SLC31A1: variants seen among roughly 807,000 people sequenced by gnomAD.
The protein encoded by SLC31A1 is high affinity copper uptake protein 1.
Under a neutral mutation model 17.2 loss-of-function variants are expected in SLC31A1, and 5 were observed. The ratio of observed to expected loss-of-function variants is 0.29; its 90% CI spans 0.15 to 0.61. The LOEUF (loss-of-function observed/expected upper bound fraction) is 0.61. Among genes scored for constraint, SLC31A1 ranks in the 20% least tolerant of loss-of-function variants. The pLI is 0.86. For missense variants in SLC31A1, 161 were observed against 241.4 expected (o/e 0.67, Z 2.21); for synonymous variants, 76 against 78.8 (o/e 0.96, Z 0.19).
In SLC31A1 at chr9:113,261,103, A is replaced by C. The variant is rs1421047532; in HGVS notation, c.*630A>C. Reference sequence around the variant, plus strand: ...ATGGGGAAACCCCGTCTCTACTAAAAATACAAAAATTAGCCGGGCATGGTG... The same window carrying C: ...ATGGGGAAACCCCGTCTCTACTAAACATACAAAAATTAGCCGGGCATGGTG... On this transcript the variant is annotated 3_prime_UTR_variant, in exon 5 of 5. Coordinates refer to ENST00000374212, the MANE Select transcript of SLC31A1 (RefSeq NM_001859.4). The C allele has an allele frequency of 2.5e-5, 4 of 157,520 alleles. No homozygotes were observed. The highest frequency in any genetic ancestry group is 9.6e-5 in the African/African-American group (4 of 41,484). 9.8% of individuals were successfully genotyped at this position (157,520 alleles called of 1,614,324 possible). A position where few individuals can be genotyped will look rare whatever the true frequency, so the allele number is the denominator to read the frequency against.
chr9:113,258,315 T>C lies in SLC31A1; in HGVS notation c.203-379T>C, dbSNP rs1026514419. Among the ~76,000 whole-genome samples the C allele has an allele frequency of 1.8e-4, 27 of 152,224 alleles. No individual in the cohort carries two copies. Among genetic ancestry groups the C allele is most frequent in the African/African-American group, 6.5e-4 (27 of 41,456 alleles). On this transcript the variant is annotated intron_variant, in intron 3 of 4. Transcript: ENST00000374212. The surrounding 1 kb of genome is among the most constrained non-coding windows in gnomAD (Gnocchi z 4.8). Reference sequence around the variant, plus strand: ...ACTTCACAGTGTGAAAGACTTAGAATTGAAATGCCTATTCAGGAAATGTAG... The same window carrying C: ...ACTTCACAGTGTGAAAGACTTAGAACTGAAATGCCTATTCAGGAAATGTAG...
chr9:113,232,398 C>A (rs1465920767), intron 1 of SLC31A1, among the ~76,000 whole-genome samples: 1 of 151,904 alleles, frequency 6.6e-6, no homozygotes, highest in Non-Finnish European at 1.5e-5. Context: ...TAAAACATTT[C>A]AAAGAAAATG....
At chr9:113,234,480 ATTTTTTTTTTTTTTT>A (rs869088669) in intron 1 of SLC31A1, among the ~76,000 whole-genome samples, 5 of 60,230 alleles carry the variant, frequency 8.3e-5, no homozygotes, top group Admixed American at 4.2e-4. Context: ...CCTGGCCATC[ATTTTTTTTTTTTTTT>A]TTTTTTTTTT....
Position 113,255,936 on chromosome 9 carries a change from C to G in SLC31A1, c.-35-178C>G, listed in dbSNP as rs73552275. ...CCACCAGGTTGCCTGGTGAACCAGCCTAGATCAGAAATGGAGCAGGTCAAA... is the reference window on the plus strand; with the variant it reads ...CCACCAGGTTGCCTGGTGAACCAGCGTAGATCAGAAATGGAGCAGGTCAAA... On this transcript the variant is annotated intron_variant, in intron 1 of 4. Coordinates refer to ENST00000374212, the MANE Select transcript of SLC31A1 (RefSeq NM_001859.4). 4.0e-3 allele frequency: 1,449 copies of G among 364,074 alleles called. 19 individuals are homozygous for G. Among genetic ancestry groups the G allele is most frequent in the African/African-American group, 0.029 (1,368 of 47,894 alleles). 22.6% of individuals were successfully genotyped at this position (364,074 alleles called of 1,614,324 possible).
At chr9:113,256,087 A>G in intron 1 of SLC31A1, 27 bp from the exon 2 acceptor site, 1 of 1,484,086 alleles carries the variant, frequency 6.7e-7, no homozygotes, top group East Asian at 2.5e-5. Context: ...TCCTTAAATT[A>G]TTATATATAA....
At chr9:113,232,660 C>A (rs1036564899) in intron 1 of SLC31A1, among the ~76,000 whole-genome samples, 2 of 146,110 alleles carry the variant, frequency 1.4e-5, no homozygotes, top group African/African-American at 5.1e-5. Context: ...GGTGAAACCC[C>A]ATCTCTACTA....
At chr9:113,252,946 C>CTTTTTTTT (rs1282361795) in intron 1 of SLC31A1, among the ~76,000 whole-genome samples, 33 of 113,718 alleles carry the variant, frequency 2.9e-4, no homozygotes, top group African/African-American at 5.7e-4. Flanking sequence ...CTTTTCTTTT[C>CTTTTTTTT]TTTTTTTCTT....
intron 1 of SLC31A1, among the ~76,000 whole-genome samples, chr9:113,229,175 AT>A (rs1831375542): frequency 6.6e-6 from 1 of 152,200 alleles, no homozygotes; most frequent in Non-Finnish European, 1.5e-5. Context: ...TAGGAAATAT[AT>A]TCATATGGTT....
intron 2 of SLC31A1, chr9:113,256,517 C>G: frequency 2.4e-6 from 1 of 419,348 alleles, no homozygotes; most frequent in Non-Finnish European, 4.3e-6. Flanking sequence ...GAAATCGACT[C>G]TTTTCTGAAT....
chr9:113,228,709 G>A (rs530190572), intron 1 of SLC31A1, among the ~76,000 whole-genome samples: 77 of 152,254 alleles, frequency 5.1e-4, no homozygotes, highest in African/African-American at 1.7e-3. Context: ...TGGAGAAAGC[G>A]GTTAGTCTAG....
intron 1 of SLC31A1, among the ~76,000 whole-genome samples, chr9:113,238,295 A>T (rs537817028): frequency 6.6e-6 from 1 of 152,216 alleles, no homozygotes; most frequent in Non-Finnish European, 1.5e-5. Context: ...GTGATACACA[A>T]GACAGCTCAG....
intron 3 of SLC31A1, among the ~76,000 whole-genome samples, chr9:113,257,912 C>T (rs960476614): frequency 9.2e-5 from 14 of 152,168 alleles, no homozygotes; most frequent in Admixed American, 7.9e-4. Flanking sequence ...TTAAGTGCCA[C>T]AAATTGTGAA....
At position 113,247,089 on chromosome 9, in the gene SLC31A1, C is replaced by T. The variant is rs531631475; in HGVS notation, c.-35-9025C>T. 5.3e-5 allele frequency among the ~76,000 whole-genome samples: 8 copies of T among 152,280 alleles called. No individual in the cohort carries two copies. In the South Asian group the frequency reaches 1.0e-3, roughly 20 times the overall value. On this transcript the variant is annotated intron_variant, in intron 1 of 4. Coordinates refer to ENST00000374212, the MANE Select transcript of SLC31A1 (RefSeq NM_001859.4). Reference sequence around the variant, plus strand: ...ATCATGTGGACATAGTCCATAAGCACGCATCCCTGTTTATGGTAGTGTACT... The same window carrying T: ...ATCATGTGGACATAGTCCATAAGCATGCATCCCTGTTTATGGTAGTGTACT...
chr9:113,226,582 G>C (rs1358977265), intron 1 of SLC31A1, among the ~76,000 whole-genome samples: 13 of 152,230 alleles, frequency 8.5e-5, no homozygotes, highest in Admixed American at 8.5e-4. Context: ...GAGAAGGAAA[G>C]GGTTGAGAAG....
At chr9:113,228,610 A>G (rs77361229) in intron 1 of SLC31A1, among the ~76,000 whole-genome samples, 9,274 of 152,242 alleles carry the variant, frequency 0.061, 336 homozygotes, top group African/African-American at 0.085. Context: ...AGGAGCTTCT[A>G]TGTTATTTGC....
rs555591647 is a variant in SLC31A1 at position 113,249,459 on chromosome 9, C to T, written c.-35-6655C>T. On this transcript the variant is annotated intron_variant, in intron 1 of 4. Coordinates refer to ENST00000374212, the MANE Select transcript of SLC31A1 (RefSeq NM_001859.4). ...TTCCCTCACTGCAACCCCCACCTCCCGGGTTCAAGCAATTATCCTGCCTCA... is the reference window on the plus strand; with the variant it reads ...TTCCCTCACTGCAACCCCCACCTCCTGGGTTCAAGCAATTATCCTGCCTCA... Among the ~76,000 whole-genome samples, 19 of 151,962 alleles carry T rather than the reference C, an allele frequency of 1.3e-4. No individual in the cohort carries two copies. In the East Asian group the frequency reaches 3.1e-3, roughly 25 times the overall value.
intron 1 of SLC31A1, among the ~76,000 whole-genome samples, chr9:113,244,515 CAA>C (rs1410438349): frequency 2.0e-5 from 3 of 151,992 alleles, no homozygotes; most frequent in Non-Finnish European, 2.9e-5. Flanking sequence ...CAGAAAAAAA[CAA>C]GAGTGAGAGA....
chr9:113,230,499 T>A (rs1324053692), intron 1 of SLC31A1, among the ~76,000 whole-genome samples: 2 of 152,190 alleles, frequency 1.3e-5, no homozygotes, highest in East Asian at 1.9e-4. Flanking sequence ...ACTCAAGAGA[T>A]CCTTCCACCT....
Position 113,262,874 on chromosome 9 carries a change from G to A in SLC31A1, c.*2401G>A, listed in dbSNP as rs1487595152. On this transcript the variant is annotated 3_prime_UTR_variant, in exon 5 of 5. Transcript: ENST00000374212. ...CCCAGCAACAAAACCTAATCAGTAA[G>A]GCCAGCTAGACCCAATGGCTCATGC... The A allele has an allele frequency of 6.6e-6, 1 of 152,664 alleles. No individual in the cohort carries two copies. Among genetic ancestry groups the A allele is most frequent in the East Asian group, 1.9e-4 (1 of 5,190 alleles). 9.5% of individuals were successfully genotyped at this position (152,664 alleles called of 1,614,324 possible). A position where few individuals can be genotyped will look rare whatever the true frequency, so the allele number is the denominator to read the frequency against.
Sources: allele counts gnomAD v4.1 joint callset (sites outside exome capture counted in the v4.1 genomes callset), GRCh38; gene constraint gnomAD v4.1.1; non-coding constraint Gnocchi (gnomAD v3.1); transcripts MANE v1.5; gene names NCBI Gene and HGNC (gene_info 2026-07-23, HGNC 2026-07-21).